LANCL3: variants seen among roughly 807,000 people sequenced by gnomAD.
LANCL3 encodes the protein lanC-like protein 3.
In LANCL3, 19 loss-of-function variants were observed where a neutral mutation model predicts 26.5. The ratio of observed to expected loss-of-function variants is 0.72; its 90% CI spans 0.50 to 1.05. The LOEUF (loss-of-function observed/expected upper bound fraction) is 1.05. LANCL3 is among the 50% of genes least tolerant of loss of function. LANCL3 has a pLI of 0.00. For missense variants in LANCL3, 318 were observed against 362.7 expected (o/e 0.88, Z 1.00); for synonymous variants, 160 against 166.6 (o/e 0.96, Z 0.30).
chrX:37,634,161 C>G (rs1556425060), intron 1 of LANCL3, among the ~76,000 whole-genome samples: 2 of 112,549 alleles, frequency 1.8e-5, no homozygotes, highest in Admixed American at 1.9e-4. Flanking sequence ...CCCAGCCTCA[C>G]TGCCGCCTTG....
intron 1 of LANCL3, among the ~76,000 whole-genome samples, chrX:37,602,761 C>A (rs1457994875): frequency 9.0e-6 from 1 of 110,665 alleles, no homozygotes; most frequent in African/African-American, 3.3e-5. Flanking sequence ...AGGAAAAATG[C>A]AATTTTGGTT....
intron 1 of LANCL3, among the ~76,000 whole-genome samples, chrX:37,632,688 T>G (rs1342993749): frequency 3.9e-4 from 43 of 110,594 alleles, no homozygotes; most frequent in South Asian, 1.5e-3. Context: ...GTCTGTAAAG[T>G]ATTTTATTTC....
At chrX:37,604,863 A>G (rs1471364096) in intron 1 of LANCL3, among the ~76,000 whole-genome samples, 2 of 112,889 alleles carry the variant, frequency 1.8e-5, no homozygotes, top group African/African-American at 6.4e-5. Flanking sequence ...GCTACAAAGT[A>G]AAATAGCAAA....
intron 4 of LANCL3, among the ~76,000 whole-genome samples, chrX:37,675,323 G>T (rs1228435461): frequency 1.8e-5 from 2 of 112,056 alleles, no homozygotes; most frequent in Non-Finnish European, 1.9e-5. Context: ...TTCTTTTCAA[G>T]ATAAATAAAA....
chrX:37,662,654 A>G (rs1372061630), intron 3 of LANCL3, among the ~76,000 whole-genome samples: 1 of 111,855 alleles, frequency 8.9e-6, no homozygotes, highest in Non-Finnish European at 1.9e-5. Flanking sequence ...TTAGTCTCTC[A>G]AAACATATTT....
At chrX:37,585,344 G>A (rs28752241) in intron 1 of LANCL3, among the ~76,000 whole-genome samples, 2 of 111,002 alleles carry the variant, frequency 1.8e-5, no homozygotes, top group Non-Finnish European at 3.8e-5. Flanking sequence ...CAATTCCTGG[G>A]TATCCTTGTT....
At chrX:37,599,756 GTCTTCTTAGAAGAGCAAAACA>G (rs1924533509) in intron 1 of LANCL3, among the ~76,000 whole-genome samples, 1 of 112,249 alleles carries the variant, frequency 8.9e-6, no homozygotes, top group Non-Finnish European at 1.9e-5. Context: ...GATGTTCACA[GTCTTCTTAGAAGAGCAAAACA>G]TGAATTTTAT....
chrX:37,669,299 C>G (rs979978918), intron 4 of LANCL3, among the ~76,000 whole-genome samples: 76 of 111,440 alleles, frequency 6.8e-4, no homozygotes, highest in African/African-American at 2.3e-3. Context: ...GGGCACAGCT[C>G]AGCCTCCTGA....
In LANCL3 at chrX:37,680,740, C is replaced by T. The variant is rs782628553; in HGVS notation, c.*4927C>T. 3.6e-5 allele frequency: 4 copies of T among 111,277 alleles called. No homozygotes were observed. Among genetic ancestry groups the T allele is most frequent in the Non-Finnish European group, 7.5e-5 (4 of 53,088 alleles). 9.2% of individuals were successfully genotyped at this position (111,277 alleles called of 1,213,427 possible). On this transcript the variant is annotated 3_prime_UTR_variant, in exon 5 of 5. Coordinates refer to ENST00000378619, the MANE Select transcript of LANCL3 (RefSeq NM_001170331.2). ...GGTAAAGATACATAAGGCTTAACTA[C>T]CCAGGGTTATGAAAACAGTTTGCAA... is the stretch of plus-strand genomic sequence containing the variant.
At chrX:37,574,855 A>G (rs1452902978) in intron 1 of LANCL3, among the ~76,000 whole-genome samples, 7 of 109,008 alleles carry the variant, frequency 6.4e-5, no homozygotes, top group African/African-American at 2.4e-4. Context: ...CACTCCCTCT[A>G]GATATTTATA....
At chrX:37,640,837 C>T (rs1357930207) in intron 1 of LANCL3, among the ~76,000 whole-genome samples, 2 of 111,036 alleles carry the variant, frequency 1.8e-5, no homozygotes, top group African/African-American at 6.6e-5. Context: ...AATTTACCTT[C>T]TCTCCTCTTC....
At chrX:37,581,638 G>A (rs1393306114) in intron 1 of LANCL3, among the ~76,000 whole-genome samples, 1 of 111,610 alleles carries the variant, frequency 9.0e-6, no homozygotes, top group Non-Finnish European at 1.9e-5. Flanking sequence ...AACTTAAAAT[G>A]ATCAGACATC....
intron 1 of LANCL3, among the ~76,000 whole-genome samples, chrX:37,604,889 G>A (rs1212026483): frequency 8.9e-6 from 1 of 112,699 alleles, no homozygotes; most frequent in African/African-American, 3.2e-5. Flanking sequence ...TTGATGCAGA[G>A]AGGGAAAGAC....
At position 37,571,823 on chromosome X, in the gene LANCL3, C is replaced by G. The variant is rs781869475; in HGVS notation, c.-48C>G. On this transcript the variant is annotated 5_prime_UTR_variant, in exon 1 of 5. Transcript: ENST00000378619. Reference sequence around the variant, plus strand: ...AGGTGGTGTGCGGGGCTGCAGGGCACGACTTCAAGCGGTCCTCAGCTCCGC... The same window carrying G: ...AGGTGGTGTGCGGGGCTGCAGGGCAGGACTTCAAGCGGTCCTCAGCTCCGC... 9.1e-7 allele frequency: 1 copy of G among 1,100,056 alleles called. No individual in the cohort carries two copies. Among genetic ancestry groups the G allele is most frequent in the Non-Finnish European group, 1.2e-6 (1 of 818,080 alleles). 90.7% of individuals were successfully genotyped at this position (1,100,056 alleles called of 1,213,427 possible). A position where few individuals can be genotyped will look rare whatever the true frequency, so the allele number is the denominator to read the frequency against.
chrX:37,573,578 TTG>T (rs1448666270), intron 1 of LANCL3, among the ~76,000 whole-genome samples: 1 of 111,551 alleles, frequency 9.0e-6, no homozygotes, highest in Non-Finnish European at 1.9e-5. Flanking sequence ...TGTCACAAAG[TTG>T]TCTTGAAATA....
chrX:37,632,614 G>T (rs1407877329), intron 1 of LANCL3, among the ~76,000 whole-genome samples: 1 of 111,576 alleles, frequency 9.0e-6, no homozygotes, highest in Non-Finnish European at 1.9e-5. Context: ...TCCATGTTTA[G>T]TGCTTCCTTC....
At chrX:37,602,241 G>A (rs951782585) in intron 1 of LANCL3, among the ~76,000 whole-genome samples, 23 of 112,265 alleles carry the variant, frequency 2.0e-4, no homozygotes, top group African/African-American at 7.4e-4. Flanking sequence ...TGCATGCAAA[G>A]CAGTTTGCAA....
chrX:37,631,182 G>T (rs1314898830), intron 1 of LANCL3, among the ~76,000 whole-genome samples: 1 of 111,751 alleles, frequency 8.9e-6, no homozygotes, highest in Non-Finnish European at 1.9e-5. Context: ...ATTGTTGGGA[G>T]GGTGTATGTG....
chrX:37,651,965 A>T (rs1476558459), intron 1 of LANCL3, among the ~76,000 whole-genome samples: 2 of 106,542 alleles, frequency 1.9e-5, no homozygotes, highest in African/African-American at 7.5e-5. Flanking sequence ...TGTTGACCTC[A>T]GTTTATGCAT....
Sources: gnomAD v4.1 joint callset for allele counts (sites outside exome capture counted in the v4.1 genomes callset) on GRCh38, gnomAD v4.1.1 for gene constraint, MANE v1.5 for transcripts, NCBI Gene and HGNC (gene_info 2026-07-23, HGNC 2026-07-21) for gene names.